The following DBF4B variants were observed in gnomAD, a reference collection of about 807,000 sequenced individuals.
The protein encoded by DBF4B is DBF4B-CDC7 kinase regulatory subunit.
In DBF4B, 49 loss-of-function variants were observed where a neutral mutation model predicts 53.4. That is an observed-to-expected ratio of 0.92 (90% CI 0.73 to 1.16). The LOEUF (loss-of-function observed/expected upper bound fraction) is 1.16. Ranked by LOEUF, DBF4B falls within the 50% of genes most tolerant of loss-of-function variation. DBF4B has a pLI of 0.00. For synonymous variants in DBF4B, 257 were observed against 288.7 expected (o/e 0.89, Z 1.11); for missense variants, 692 against 775.0 (o/e 0.89, Z 1.27).
intron 6 of DBF4B, 54 bp from the exon 7 acceptor site, chr17:44,734,036 C>A: frequency 6.8e-7 from 1 of 1,474,388 alleles, no homozygotes; most frequent in Non-Finnish European, 9.5e-7. Context: ...AGGGGCTGTG[C>A]TAGGTAAGTG....
chr17:44,741,311 A>C, intron 9 of DBF4B, 25 bp from the exon 10 acceptor site: 1 of 1,561,628 alleles, frequency 6.4e-7, no homozygotes, highest in Admixed American at 1.7e-5. Flanking sequence ...CATTGTAGTC[A>C]AAGTGGAAGT....
In DBF4B at chr17:44,751,298, G is replaced by A; in HGVS notation, c.*45G>A. On this transcript the variant is annotated 3_prime_UTR_variant, in exon 14 of 14. Transcript: ENST00000315005. Reference sequence around the variant, plus strand: ...GAGACTTGACCCAGGATGGATGGGTGCTGCTTGATGTGAATGAGGTCCCGC... The same window carrying A: ...GAGACTTGACCCAGGATGGATGGGTACTGCTTGATGTGAATGAGGTCCCGC... 1 of 1,574,466 alleles carries A rather than the reference G, an allele frequency of 6.4e-7. No individual in the cohort carries two copies. Among genetic ancestry groups the A allele is most frequent in the Admixed American group, 1.8e-5 (1 of 56,972 alleles).
At position 44,708,711 on chromosome 17, in the gene DBF4B, G is replaced by A. The variant is rs1039441784; in HGVS notation, c.-110G>A. On this transcript the variant is annotated 5_prime_UTR_variant, in exon 1 of 14. Transcript: ENST00000315005. ...ACGCCAAGAGATTGATGCTGTAGCT[G>A]CCCTGAGATAACCAGGACTGTGGAA... 4.2e-5 allele frequency: 56 copies of A among 1,332,178 alleles called. No individual in the cohort carries two copies. The highest frequency in any genetic ancestry group is 1.8e-4 in the South Asian group (12 of 67,894). The allele number at this position is 1,332,178 out of a possible 1,614,324, so 82.5% of individuals were successfully genotyped here.
In DBF4B at chr17:44,747,383, G is replaced by A. The variant is rs186544350; in HGVS notation, c.940-8G>A. 3,351 of 1,612,934 alleles carry A rather than the reference G, an allele frequency of 2.1e-3. 23 individuals are homozygous for A. Among genetic ancestry groups the A allele is most frequent in the Non-Finnish European group, 1.6e-3 (1,923 of 1,179,704 alleles). The stretch of plus-strand genomic sequence containing the variant: ...CTAATGCCCTGTGCTCCTCTCCCCC[G>A]CCGGCAGCATCTTCAGAGTGCCCAG... On this transcript the variant is annotated splice_polypyrimidine_tract_variant and splice_region_variant and intron_variant, in intron 11 of 13. Transcript: ENST00000315005.
intron 8 of DBF4B, 72 bp downstream of exon 8, chr17:44,736,938 G>T: frequency 2.6e-6 from 4 of 1,556,028 alleles, no homozygotes; most frequent in Non-Finnish European, 3.5e-6. Flanking sequence ...GACTCCCTCT[G>T]TGGCAGCATC....
Position 44,752,225 on chromosome 17 carries a change from T to C in DBF4B, c.*972T>C. On this transcript the variant is annotated 3_prime_UTR_variant, in exon 14 of 14. Transcript: ENST00000315005. ...TAAGTAAGGGGCTTGGATGAGATGATTTCAGGACCCTTTCCAATAATAAAA... is the reference window on the plus strand; with the variant it reads ...TAAGTAAGGGGCTTGGATGAGATGACTTCAGGACCCTTTCCAATAATAAAA... The C allele has an allele frequency of 3.9e-6, 2 of 513,360 alleles. No individual in the cohort carries two copies. The highest frequency in any genetic ancestry group is 7.1e-6 in the Non-Finnish European group (2 of 283,530). 31.8% of individuals were successfully genotyped at this position (513,360 alleles called of 1,614,324 possible).
At chr17:44,738,918 C>T (rs929791171) in intron 9 of DBF4B, among the ~76,000 whole-genome samples, 2 of 152,180 alleles carry the variant, frequency 1.3e-5, no homozygotes, top group Non-Finnish European at 1.5e-5. Flanking sequence ...CTTTGAAAAT[C>T]GTTTTCTGGC....
chr17:44,736,035 G>A, intron 7 of DBF4B, among the ~76,000 whole-genome samples: 1 of 151,982 alleles, frequency 6.6e-6, no homozygotes, highest in Admixed American at 6.6e-5. Flanking sequence ...AGGCTGGAGT[G>A]CAGTGGCGCC....
chr17:44,709,476 T>A (rs1972671626), intron 2 of DBF4B, 110 bp downstream of exon 2: 1 of 1,175,596 alleles, frequency 8.5e-7, no homozygotes, highest in Admixed American at 1.8e-5. Context: ...TCAGTGTTTT[T>A]ATGTACTTAT....
At chr17:44,747,333 GTGTCCCCCTCCCCC>G in intron 11 of DBF4B, 44 bp from the exon 12 acceptor site, 2 of 1,607,096 alleles carry the variant, frequency 1.2e-6, no homozygotes, top group South Asian at 2.2e-5. Context: ...GTCAGCTTCC[GTGTCCCCCTCCCCC>G]CAGGCCTCAT....
At chr17:44,729,623 C>T (rs893093284) in intron 3 of DBF4B, among the ~76,000 whole-genome samples, 4 of 151,694 alleles carry the variant, frequency 2.6e-5, no homozygotes, top group Non-Finnish European at 5.9e-5. Context: ...ACTCAAAGCC[C>T]GCAGCCTTCT....
chr17:44,726,145 A>G (rs974175530), intron 3 of DBF4B, among the ~76,000 whole-genome samples: 8 of 151,410 alleles, frequency 5.3e-5, no homozygotes, highest in African/African-American at 1.7e-4. Flanking sequence ...ATGCACCTCC[A>G]TGCCTGGCTA....
At chr17:44,723,258 C>G (rs1274608041) in intron 3 of DBF4B, among the ~76,000 whole-genome samples, 2 of 152,126 alleles carry the variant, frequency 1.3e-5, no homozygotes, top group Non-Finnish European at 2.9e-5. Flanking sequence ...AGGCACACAC[C>G]ACCACGTCTG....
At chr17:44,718,204 G>A (rs1973499270) in intron 2 of DBF4B, among the ~76,000 whole-genome samples, 2 of 151,962 alleles carry the variant, frequency 1.3e-5, no homozygotes, top group Middle Eastern at 3.2e-3. Flanking sequence ...GGCCGAGGCG[G>A]GCGGATCATG....
chr17:44,729,683 T>TACACACACACACACAC (rs71361592), intron 3 of DBF4B, among the ~76,000 whole-genome samples: 14 of 138,174 alleles, frequency 1.0e-4, no homozygotes, highest in African/African-American at 1.9e-4. Context: ...GTAATACACA[T>TACACACACACACACAC]ACACACACAC....
intron 13 of DBF4B, chr17:44,748,673 GC>G (rs2049177337): frequency 1.4e-6 from 2 of 1,456,066 alleles, no homozygotes; most frequent in African/African-American, 2.8e-5. Context: ...CTCTCCTCTG[GC>G]CCAGACCTGG....
At chr17:44,720,437 A>G (rs1374890581) in intron 2 of DBF4B, 2 of 235,244 alleles carry the variant, frequency 8.5e-6, no homozygotes, top group Non-Finnish European at 1.7e-5. Context: ...AATATCTGCA[A>G]TTCCTCTGAC....
At position 44,751,894 on chromosome 17, in the gene DBF4B, C is replaced by T. The variant is rs978676475; in HGVS notation, c.*641C>T. 1 of 1,536,246 alleles carries T rather than the reference C, an allele frequency of 6.5e-7. No individual in the cohort carries two copies. The highest frequency in any genetic ancestry group is 2.4e-5 in the East Asian group (1 of 40,900). ...CCTCAGTGGCCTGGTTCTCCTGTCC[C>T]CCTGCCCTTCCTCACCATTGCCCAT... On this transcript the variant is annotated 3_prime_UTR_variant, in exon 14 of 14. Coordinates refer to ENST00000315005, the MANE Select transcript of DBF4B (RefSeq NM_145663.3).
rs1448911616 is a variant in DBF4B, at chr17:44,722,929, G to A, written c.132G>A (p.Arg44=). Residue 44 remains arginine, a synonymous_variant, in exon 3 of 14, where the codon AGG becomes AGA. Coordinates refer to ENST00000315005, the MANE Select transcript of DBF4B (RefSeq NM_145663.3). ...GKCQKNSPGA[R]KHPFSGKSFY... ...GCCAGAAGAACTCACCAGGTGCCAG[G>A]AAGCATCCCTTTTCCGGAAAGTCCT... 10 of 1,614,202 alleles carry A rather than the reference G, an allele frequency of 6.2e-6. No individual in the cohort carries two copies. Among genetic ancestry groups the A allele is most frequent in the Non-Finnish European group, 8.5e-6 (10 of 1,180,024 alleles).
Sources: allele counts gnomAD v4.1 joint callset (sites outside exome capture counted in the v4.1 genomes callset), GRCh38; gene constraint gnomAD v4.1.1; transcripts MANE v1.5; gene names NCBI Gene and HGNC (gene_info 2026-07-23, HGNC 2026-07-21).